UBN2: variants seen among roughly 807,000 people sequenced by gnomAD.
UBN2 encodes the protein ubinuclein-2.
UBN2 carries 35 observed loss-of-function variants against 120.2 expected under a neutral mutation model. The ratio of observed to expected loss-of-function variants is 0.29; its 90% CI spans 0.22 to 0.39. UBN2 has a LOEUF of 0.39. Among genes scored for constraint, UBN2 ranks in the 10% least tolerant of loss-of-function variants. The probability of loss-of-function intolerance (pLI) is 1.00; values close to 1 mark genes in which losing one functional copy is unlikely to be tolerated. For missense variants in UBN2, 1,693 were observed against 1,663.2 expected, an observed-to-expected ratio of 1.02 and a Z score of -0.31; for synonymous variants, 661 against 648.7, an observed-to-expected ratio of 1.02 and a Z score of -0.29.
intron 15 of UBN2, among the ~76,000 whole-genome samples, chr7:139,288,516 A>G (rs917281395): frequency 1.3e-5 from 2 of 152,184 alleles, no homozygotes; most frequent in African/African-American, 4.8e-5. Context: ...GAGAGAGACC[A>G]GAACCATGTC....
intron 3 of UBN2, among the ~76,000 whole-genome samples, chr7:139,255,086 C>T (rs1357256579): frequency 6.6e-6 from 1 of 152,178 alleles, no homozygotes; most frequent in African/African-American, 2.4e-5. Flanking sequence ...CCCTTAAAAT[C>T]TTCTGTGCTC....
rs1429402073 is a variant in UBN2, at chr7:139,302,894, A to T, written c.*5058A>T. On this transcript the variant is annotated 3_prime_UTR_variant, in exon 18 of 18. Coordinates refer to ENST00000473989, the MANE Select transcript of UBN2 (RefSeq NM_173569.4). ...GTGCTCTTTAAACTTGGCATAAGTAATATAGGAGACAGCATTGGAATAACA... is the reference window on the plus strand; with the variant it reads ...GTGCTCTTTAAACTTGGCATAAGTATTATAGGAGACAGCATTGGAATAACA... The T allele has an allele frequency of 6.6e-6, 1 of 152,172 alleles. No homozygotes were observed. The highest frequency in any genetic ancestry group is 1.5e-5 in the Non-Finnish European group (1 of 68,024). The allele number at this position is 152,172 out of a possible 1,614,324, so 9.4% of individuals were successfully genotyped here.
chr7:139,274,651 A>G (rs1258456477), intron 11 of UBN2, among the ~76,000 whole-genome samples: 1 of 152,088 alleles, frequency 6.6e-6, no homozygotes, highest in Admixed American at 6.6e-5. Context: ...TATCCCAGCT[A>G]CTAGGGAGGC....
At position 139,307,358 on chromosome 7, in the gene UBN2, AGTTGATGTTTGTAATAATCTCAGG is replaced by A. The variant is rs1798375729; in HGVS notation, c.*9523_*9546del. 6.6e-6 allele frequency: 1 copy of A among 151,354 alleles called. No individual in the cohort carries two copies. The highest frequency in any genetic ancestry group is 1.5e-5 in the Non-Finnish European group (1 of 67,902). The allele number at this position is 151,354 out of a possible 1,614,324, so 9.4% of individuals were successfully genotyped here. On this transcript the variant is annotated 3_prime_UTR_variant, in exon 18 of 18. Coordinates refer to ENST00000473989, the MANE Select transcript of UBN2 (RefSeq NM_173569.4). ...AAACTGGACCTGAACACAAGCTTTG[AGTTGATGTTTGTAATAATCTCAGG>A]ACCTGAAAGATTGTAGCATTTAGTG... is the stretch of plus-strand genomic sequence containing the variant.
Position 139,266,459 on chromosome 7 carries a change from A to ATAGGCC in UBN2, c.1466+58_1466+63dup, listed in dbSNP as rs1487905140. ...TAAGAATGATACATTAAAAAATGTAATAGGCCTTTGAGATACTGAGTGGTT... is the reference window on the plus strand; with the variant it reads ...TAAGAATGATACATTAAAAAATGTAATAGGCCTAGGCCTTTGAGATACTGAGTGGTT... On this transcript the variant is annotated intron_variant, in intron 7 of 17. Coordinates refer to ENST00000473989, the MANE Select transcript of UBN2 (RefSeq NM_173569.4). The ATAGGCC allele has an allele frequency of 2.7e-5, 29 of 1,076,274 alleles. 1 individual carries two copies. Among genetic ancestry groups the ATAGGCC allele is most frequent in the Non-Finnish European group, 4.1e-6 (3 of 728,854 alleles). 66.7% of individuals were successfully genotyped at this position (1,076,274 alleles called of 1,614,324 possible).
chr7:139,244,735 C>G (rs1383578794), intron 2 of UBN2, among the ~76,000 whole-genome samples: 1 of 152,012 alleles, frequency 6.6e-6, no homozygotes, highest in South Asian at 2.1e-4. Context: ...TGAGAATATC[C>G]TGTTCATATG....
chr7:139,302,314 A>C lies in UBN2; in HGVS notation c.*4478A>C, dbSNP rs376316647. On this transcript the variant is annotated 3_prime_UTR_variant, in exon 18 of 18. Coordinates refer to ENST00000473989, the MANE Select transcript of UBN2 (RefSeq NM_173569.4). ...CTGTACCATTGCATCCTTTCCAAAC[A>C]CTCCCCTTTCCATGTTTGCAAAACT... 3 of 151,494 alleles carry C rather than the reference A, an allele frequency of 2.0e-5. No individual in the cohort carries two copies. In the East Asian group the frequency reaches 5.8e-4, roughly 29 times the overall value. The allele number at this position is 151,494 out of a possible 1,614,324, so 9.4% of individuals were successfully genotyped here. A position where few individuals can be genotyped will look rare whatever the true frequency, so the allele number is the denominator to read the frequency against.
intron 8 of UBN2, 86 bp downstream of exon 8, chr7:139,269,609 T>G: frequency 7.1e-7 from 1 of 1,410,184 alleles, no homozygotes; most frequent in Non-Finnish European, 9.7e-7. Flanking sequence ...TGCACATTAA[T>G]TGATTTATAG....
intron 4 of UBN2, among the ~76,000 whole-genome samples, chr7:139,259,046 C>T (rs958050343): frequency 1.3e-5 from 2 of 152,114 alleles, no homozygotes; most frequent in African/African-American, 4.8e-5. Flanking sequence ...CCAGAATCAC[C>T]AGAATGCTTG....
At chr7:139,251,147 GC>G in intron 2 of UBN2, among the ~76,000 whole-genome samples, 1 of 151,920 alleles carries the variant, frequency 6.6e-6, no homozygotes, top group South Asian at 2.1e-4. Flanking sequence ...CCACTGCACT[GC>G]AGCCTGGGCA....
chr7:139,272,505 T>C (rs543119886), intron 9 of UBN2, 65 bp downstream of exon 9: 23 of 720,180 alleles, frequency 3.2e-5, no homozygotes, highest in Non-Finnish European at 4.9e-5. Context: ...TATGTATGTA[T>C]GTATGTATGT....
chr7:139,279,265 A>G (rs930477863), intron 12 of UBN2, 53 bp from the exon 13 acceptor site: 33 of 1,355,122 alleles, frequency 2.4e-5, no homozygotes, highest in Non-Finnish European at 3.0e-5. Flanking sequence ...ATAACTTTCT[A>G]ATGAGCAATA....
At chr7:139,268,977 C>T (rs761742655) in intron 7 of UBN2, among the ~76,000 whole-genome samples, 8 of 152,238 alleles carry the variant, frequency 5.3e-5, no homozygotes, top group South Asian at 4.2e-4. Flanking sequence ...AAGGCCAAGG[C>T]GGGTGGATCA....
chr7:139,322,098 G>A, the UBN2 span, among the ~76,000 whole-genome samples: 6 of 151,790 alleles, frequency 4.0e-5, no homozygotes, highest in Non-Finnish European at 5.9e-5. Flanking sequence ...CTCAGCCTTC[G>A]GAGTAGCTGG....
intron 7 of UBN2, among the ~76,000 whole-genome samples, chr7:139,266,873 G>A (rs1563214439): frequency 6.6e-6 from 1 of 152,184 alleles, no homozygotes; most frequent in Non-Finnish European, 1.5e-5. Context: ...AGAAATTGTG[G>A]TTGTGAGGTA....
At chr7:139,322,550 C>T in the UBN2 span, among the ~76,000 whole-genome samples, 4 of 150,494 alleles carry the variant, frequency 2.7e-5, no homozygotes, top group Non-Finnish European at 4.4e-5. Flanking sequence ...CAGGCCGGGG[C>T]AATCTAAGCC....
chr7:139,317,186 G>A, the UBN2 span, among the ~76,000 whole-genome samples: 2 of 151,546 alleles, frequency 1.3e-5, no homozygotes, highest in Admixed American at 6.6e-5. Flanking sequence ...TCATTAATCT[G>A]TATTATTATT....
intron 15 of UBN2, among the ~76,000 whole-genome samples, chr7:139,288,746 G>A (rs1323463649): frequency 6.6e-6 from 1 of 152,198 alleles, no homozygotes; most frequent in East Asian, 1.9e-4. Flanking sequence ...GCTCATGCCT[G>A]TAAACCCAGG....
rs1174926459 is a variant in UBN2, at chr7:139,273,289, A to G, written c.1716-8A>G. ...AAGTTTGTTTTGTAAAGTGTTTTTCATTTTTAGATTGCAGACAGATGAAGA... is the reference window on the plus strand; with the variant it reads ...AAGTTTGTTTTGTAAAGTGTTTTTCGTTTTTAGATTGCAGACAGATGAAGA... On this transcript the variant is annotated splice_region_variant and splice_polypyrimidine_tract_variant and intron_variant, in intron 9 of 17. Coordinates refer to ENST00000473989, the MANE Select transcript of UBN2 (RefSeq NM_173569.4). 1.3e-6 allele frequency: 2 copies of G among 1,587,834 alleles called. No individual in the cohort carries two copies. The highest frequency in any genetic ancestry group is 2.2e-5 in the East Asian group (1 of 44,640).
Sources: allele counts gnomAD v4.1 joint callset (sites outside exome capture counted in the v4.1 genomes callset), GRCh38; gene constraint gnomAD v4.1.1; transcripts MANE v1.5; gene names NCBI Gene and HGNC (gene_info 2026-07-23, HGNC 2026-07-21).